Variants in SLC22A3 observed in about 807,000 individuals in gnomAD.
SLC22A3 encodes the protein EMT organic cation transporter 3.
SLC22A3 carries 51 observed loss-of-function variants against 59.1 expected under a neutral mutation model. That is an observed-to-expected ratio of 0.86 (90% CI 0.69 to 1.09). The LOEUF (loss-of-function observed/expected upper bound fraction) is 1.09. Ranked by LOEUF, SLC22A3 falls within the 50% of genes least tolerant of loss-of-function variation. SLC22A3 has a pLI of 0.00. For missense variants in SLC22A3, 711 were observed against 726.3 expected (o/e 0.98, Z 0.24); for synonymous variants, 325 against 292.0 (o/e 1.11, Z -1.15).
intron 5 of SLC22A3, among the ~76,000 whole-genome samples, chr6:160,420,282 G>A (rs1787674321): frequency 6.6e-6 from 1 of 152,148 alleles, no homozygotes; most frequent in South Asian, 2.1e-4. Flanking sequence ...GCAGACTTGT[G>A]GGATGCCTCA....
intron 1 of SLC22A3, among the ~76,000 whole-genome samples, chr6:160,358,648 G>A (rs1311701110): frequency 6.6e-6 from 1 of 152,188 alleles, no homozygotes; most frequent in Admixed American, 6.5e-5. Flanking sequence ...CCCCCCATCC[G>A]GGTGGCTCTG....
At chr6:160,417,667 G>A (rs889831649) in intron 5 of SLC22A3, among the ~76,000 whole-genome samples, 22 of 152,162 alleles carry the variant, frequency 1.4e-4, no homozygotes, top group Admixed American at 7.2e-4. Context: ...TATTGCTTTG[G>A]CCTCATGATA....
intron 2 of SLC22A3, among the ~76,000 whole-genome samples, chr6:160,399,043 C>A (rs1340623919): frequency 6.6e-6 from 1 of 152,178 alleles, no homozygotes; most frequent in Non-Finnish European, 1.5e-5. Context: ...TATCCTGTAG[C>A]CAATTGAAGA....
At position 160,397,673 on chromosome 6, in the gene SLC22A3, G is replaced by A. The variant is rs189299033; in HGVS notation, c.430-306G>A. ...CGCTTGAACCCGAGAGGCAGAGGTTGCAGTAAGCAGAGATTGCTCCACTAC... is the reference window on the plus strand; with the variant it reads ...CGCTTGAACCCGAGAGGCAGAGGTTACAGTAAGCAGAGATTGCTCCACTAC... On this transcript the variant is annotated intron_variant, in intron 1 of 10. Transcript: ENST00000275300. Among the ~76,000 whole-genome samples the A allele has an allele frequency of 6.4e-3, 952 of 149,340 alleles. 16 individuals are homozygous for A. The highest frequency in any genetic ancestry group is 0.023 in the African/African-American group (918 of 40,418).
At chr6:160,450,746 T>A (rs959718751) in intron 10 of SLC22A3, among the ~76,000 whole-genome samples, 17 of 152,158 alleles carry the variant, frequency 1.1e-4, no homozygotes, top group African/African-American at 4.1e-4. Context: ...AATGAAATCT[T>A]CACAATTTAT....
chr6:160,353,984 C>A (rs1784746124), intron 1 of SLC22A3, among the ~76,000 whole-genome samples: 1 of 152,124 alleles, frequency 6.6e-6, no homozygotes, highest in South Asian at 2.1e-4. Context: ...GAGCTTTGAG[C>A]TCTCCAGGGA....
At chr6:160,376,702 G>C (rs1279541163) in intron 1 of SLC22A3, among the ~76,000 whole-genome samples, 1 of 152,190 alleles carries the variant, frequency 6.6e-6, no homozygotes, top group East Asian at 1.9e-4. Flanking sequence ...GTTAAAGTAT[G>C]TTCAGGGAGC....
chr6:160,408,702 T>C (rs1787119302), intron 3 of SLC22A3, 51 bp from the exon 4 acceptor site: 2 of 1,577,146 alleles, frequency 1.3e-6, no homozygotes, highest in Non-Finnish European at 1.7e-6. Flanking sequence ...GTTTGTTTAT[T>C]TTGGAGCTGA....
At chr6:160,447,910 GA>G in intron 10 of SLC22A3, 92 bp downstream of exon 10, 2 of 981,042 alleles carry the variant, frequency 2.0e-6, no homozygotes, top group Non-Finnish European at 3.3e-6. Flanking sequence ...TATCCACAGG[GA>G]AAAAAATAAG....
At chr6:160,387,041 G>T (rs573035771) in intron 1 of SLC22A3, among the ~76,000 whole-genome samples, 30 of 152,184 alleles carry the variant, frequency 2.0e-4, no homozygotes, top group Admixed American at 9.8e-4. Context: ...TGACTCATGC[G>T]CATGGCATCA....
chr6:160,426,044 C>A (rs1787938998), intron 5 of SLC22A3: 1 of 985,286 alleles, frequency 1.0e-6, no homozygotes, highest in Admixed American at 6.2e-5. Flanking sequence ...TTACCATGTG[C>A]AGAAAATATT....
Position 160,348,810 on chromosome 6 carries a change from T to C in SLC22A3, c.391T>C (p.Trp131Arg). Residue 131 changes from tryptophan to arginine, a missense_variant, in exon 1 of 11, where the codon TGG becomes CGG. Transcript: ENST00000275300. ...TCCCCTTGTGCCGTGCCGCGGCGGC[T>C]GGCGCTACGCCCAGGCCCACTCCAC... ...SAPLVPCRGGWRYAQAHSTIV... is the reference protein window; with the variant it reads ...SAPLVPCRGGRRYAQAHSTIV... The C allele has an allele frequency of 6.3e-7, 1 of 1,580,388 alleles. No individual in the cohort carries two copies. Among genetic ancestry groups the C allele is most frequent in the Non-Finnish European group, 8.5e-7 (1 of 1,171,692 alleles).
chr6:160,361,758 C>A (rs145660205), intron 1 of SLC22A3, among the ~76,000 whole-genome samples: 9 of 152,270 alleles, frequency 5.9e-5, no homozygotes, highest in African/African-American at 2.2e-4. Flanking sequence ...ACTGACATCT[C>A]TAGAACAGGA....
chr6:160,436,906 G>T, intron 6 of SLC22A3, 29 bp downstream of exon 6: 1 of 1,609,616 alleles, frequency 6.2e-7, no homozygotes. Context: ...GGATTTAAAA[G>T]CTTGCGTTAA....
intron 5 of SLC22A3, among the ~76,000 whole-genome samples, chr6:160,423,939 G>T (rs1787852118): frequency 6.6e-6 from 1 of 152,128 alleles, no homozygotes; most frequent in African/African-American, 2.4e-5. Context: ...TTCTTCCAGG[G>T]TTTTTATGGT....
intron 1 of SLC22A3, among the ~76,000 whole-genome samples, chr6:160,393,069 C>T (rs1349839934): frequency 6.6e-6 from 1 of 151,900 alleles, no homozygotes; most frequent in African/African-American, 2.4e-5. Flanking sequence ...GAACAATGCA[C>T]ACCGCAAATG....
intron 5 of SLC22A3, among the ~76,000 whole-genome samples, chr6:160,428,032 CTCT>C (rs751255241): frequency 2.0e-5 from 3 of 152,170 alleles, no homozygotes; most frequent in Admixed American, 2.0e-4. Flanking sequence ...AGAGTACATT[CTCT>C]TCTTTTTTCC....
intron 2 of SLC22A3, among the ~76,000 whole-genome samples, chr6:160,402,958 T>G (rs1342475616): frequency 6.6e-6 from 1 of 151,296 alleles, no homozygotes; most frequent in Non-Finnish European, 1.5e-5. Context: ...ATAAAATCAA[T>G]AATCTAAGCT....
intron 1 of SLC22A3, among the ~76,000 whole-genome samples, chr6:160,397,506 T>C (rs1280099958): frequency 2.0e-5 from 3 of 151,926 alleles, no homozygotes; most frequent in East Asian, 1.9e-4. Context: ...GAGTTTGAGG[T>C]GGGCAGATTA....
Sources: gnomAD v4.1 joint callset for allele counts (sites outside exome capture counted in the v4.1 genomes callset) on GRCh38, gnomAD v4.1.1 for gene constraint, MANE v1.5 for transcripts, NCBI Gene and HGNC (gene_info 2026-07-23, HGNC 2026-07-21) for gene names.